The following SMYD5 variants were observed in gnomAD, a reference collection of about 807,000 sequenced individuals.
SMYD5 encodes the protein SMYD family member 5.
Under a neutral mutation model 57.4 loss-of-function variants are expected in SMYD5, and 35 were observed. The observed-to-expected ratio is 0.61, with a 90% CI of 0.47 to 0.81. The LOEUF (loss-of-function observed/expected upper bound fraction) is 0.81, where lower values mean the gene tolerates loss of function less well. Ranked by LOEUF, SMYD5 falls within the 30% of genes least tolerant of loss-of-function variation. The pLI is 0.00. For synonymous variants in SMYD5, 198 were observed against 189.7 expected (o/e 1.04, Z -0.36); for missense variants, 471 against 527.9 (o/e 0.89, Z 1.06).
intron 1 of SMYD5, among the ~76,000 whole-genome samples, chr2:73,218,270 G>A (rs1686324564): frequency 6.6e-6 from 1 of 152,228 alleles, no homozygotes; most frequent in Non-Finnish European, 1.5e-5. Flanking sequence ...GCAAGTTAAT[G>A]TTAGGACTGG....
intron 2 of SMYD5, among the ~76,000 whole-genome samples, chr2:73,219,571 G>A (rs898228049): frequency 3.3e-5 from 5 of 152,156 alleles, no homozygotes; most frequent in African/African-American, 1.2e-4. Context: ...TAGTAGAAAC[G>A]GGGTTTCAAC....
rs935192801 is a variant in SMYD5 at position 73,215,341 on chromosome 2, G to A, written c.96+979G>A. ...ATAATTTATCCTGTGTAGTGGCTGT[G>A]TGTATGGTTGGTTCTTGCCCAAGAC... On this transcript the variant is annotated intron_variant, in intron 1 of 12. Transcript: ENST00000389501. Among the ~76,000 whole-genome samples, 3 of 151,612 alleles carry A rather than the reference G, an allele frequency of 2.0e-5. No homozygotes were observed. In the South Asian group the frequency reaches 6.2e-4, roughly 31 times the overall value.
chr2:73,218,777 G>A (rs1223772280), intron 1 of SMYD5, 84 bp from the exon 2 acceptor site: 3 of 952,066 alleles, frequency 3.2e-6, no homozygotes, highest in Non-Finnish European at 5.1e-6. Context: ...GCATGTGGGA[G>A]TGAGGCTGGA....
chr2:73,224,131 T>C (rs149763941), intron 10 of SMYD5, 128 bp downstream of exon 10: 1 of 804,614 alleles, frequency 1.2e-6, no homozygotes, highest in African/African-American at 1.7e-5. Context: ...GGAGCCCCAT[T>C]AGGTCTGAGC....
chr2:73,226,177 C>G lies in SMYD5; in HGVS notation c.*231C>G, dbSNP rs557353784. ...CTCAGACTCTGCACTGGCACTGAGC[C>G]TTTCACAACTGGCCTCCCCTTGAGG... On this transcript the variant is annotated 3_prime_UTR_variant, in exon 13 of 13. Coordinates refer to ENST00000389501, the MANE Select transcript of SMYD5 (RefSeq NM_006062.3). The G allele has an allele frequency of 1.7e-3, 960 of 574,446 alleles. 4 individuals are homozygous for G. The highest frequency in any genetic ancestry group is 2.4e-3 in the Non-Finnish European group (805 of 331,438). The allele number at this position is 574,446 out of a possible 1,614,324, so 35.6% of individuals were successfully genotyped here.
In SMYD5 at chr2:73,225,952, C is replaced by T. The variant is rs775507061; in HGVS notation, c.*6C>T. On this transcript the variant is annotated 3_prime_UTR_variant, in exon 13 of 13. Coordinates refer to ENST00000389501, the MANE Select transcript of SMYD5 (RefSeq NM_006062.3). Reference sequence around the variant, plus strand: ...ATGAGATGACTGATGTGTGATGTTGCCCTGCCCAGAAAGGGCCCTGCCCTA... The same window carrying T: ...ATGAGATGACTGATGTGTGATGTTGTCCTGCCCAGAAAGGGCCCTGCCCTA... 3 of 1,610,620 alleles carry T rather than the reference C, an allele frequency of 1.9e-6. No homozygotes were observed. The highest frequency in any genetic ancestry group is 1.3e-5 in the African/African-American group (1 of 74,960).
At position 73,226,007 on chromosome 2, in the gene SMYD5, C is replaced by G; in HGVS notation, c.*61C>G. On this transcript the variant is annotated 3_prime_UTR_variant, in exon 13 of 13. Coordinates refer to ENST00000389501, the MANE Select transcript of SMYD5 (RefSeq NM_006062.3). ...CTGCCAGAAAAGGGGGCTCTTCCCCCAGAGAAGTGGCTTGGAGGGAACTTC... is the reference window on the plus strand; with the variant it reads ...CTGCCAGAAAAGGGGGCTCTTCCCCGAGAGAAGTGGCTTGGAGGGAACTTC... The G allele has an allele frequency of 6.5e-7, 1 of 1,530,798 alleles. No homozygotes were observed. Among genetic ancestry groups the G allele is most frequent in the Middle Eastern group, 1.9e-4 (1 of 5,326 alleles). The allele number at this position is 1,530,798 out of a possible 1,614,324, so 94.8% of individuals were successfully genotyped here. A position where few individuals can be genotyped will look rare whatever the true frequency, so the allele number is the denominator to read the frequency against.
At chr2:73,224,109 G>C (rs535101628) in intron 10 of SMYD5, 106 bp downstream of exon 10, 2 of 1,038,822 alleles carry the variant, frequency 1.9e-6, no homozygotes, top group Non-Finnish European at 3.0e-6. Flanking sequence ...TAGGCTGGTA[G>C]GGTTGAGTCT....
At position 73,214,530 on chromosome 2, in the gene SMYD5, G is replaced by A. The variant is rs560252622; in HGVS notation, c.96+168G>A. ...CCAGTCTGTCCCTGCGCGCAGGCTC[G>A]TGGCGCGGTCACGCGATAGACCCGG... On this transcript the variant is annotated intron_variant, in intron 1 of 12. Coordinates refer to ENST00000389501, the MANE Select transcript of SMYD5 (RefSeq NM_006062.3). The A allele has an allele frequency of 4.1e-6, 6 of 1,481,064 alleles. No individual in the cohort carries two copies. In the African/African-American group the frequency reaches 8.4e-5, roughly 21 times the overall value. 91.7% of individuals were successfully genotyped at this position (1,481,064 alleles called of 1,614,324 possible). A position where few individuals can be genotyped will look rare whatever the true frequency, so the allele number is the denominator to read the frequency against.
rs776357571 is a variant in SMYD5 at position 73,220,045 on chromosome 2, C to T, written c.206-6C>T. The T allele has an allele frequency of 6.2e-6, 10 of 1,614,058 alleles. No individual in the cohort carries two copies. Among genetic ancestry groups the T allele is most frequent in the East Asian group, 4.5e-5 (2 of 44,898 alleles). On this transcript the variant is annotated splice_polypyrimidine_tract_variant and splice_region_variant and intron_variant, in intron 2 of 12. Transcript: ENST00000389501. ...AGATATTGTTGTGTCTGGCTCTCAC[C>T]GTCAGCCTGTGACCACTGCCTTAGG...
rs927227680 is a variant in SMYD5, at chr2:73,220,221, G to C, written c.345+31G>C. Reference sequence around the variant, plus strand: ...TATTCTTGGGGAGTGTACCTGGAAGGGGGTGGGTGAGGGAGGCCTTAGCTG... The same window carrying C: ...TATTCTTGGGGAGTGTACCTGGAAGCGGGTGGGTGAGGGAGGCCTTAGCTG... On this transcript the variant is annotated intron_variant, in intron 3 of 12. Transcript: ENST00000389501. The C allele has an allele frequency of 7.5e-6, 12 of 1,610,492 alleles. No individual in the cohort carries two copies. The African/African-American group carries it at 8.0e-5, about 11-fold the overall frequency.
chr2:73,223,194 G>A, intron 8 of SMYD5, 88 bp downstream of exon 8: 1 of 1,089,276 alleles, frequency 9.2e-7, no homozygotes, highest in Non-Finnish European at 1.4e-6. Flanking sequence ...CTGGGATGGG[G>A]TAGGGTGGGA....
chr2:73,217,856 G>T (rs1030153791), intron 1 of SMYD5, among the ~76,000 whole-genome samples: 2 of 152,166 alleles, frequency 1.3e-5, no homozygotes, highest in Non-Finnish European at 2.9e-5. Context: ...TAACTGCCTG[G>T]GTTCTGAAGC....
At chr2:73,223,353 C>T (rs992767405) in intron 8 of SMYD5, 73 bp from the exon 9 acceptor site, 12 of 1,075,002 alleles carry the variant, frequency 1.1e-5, no homozygotes, top group Non-Finnish European at 1.4e-5. Flanking sequence ...CTGGGCTTAA[C>T]TTACCTGGAG....
intron 1 of SMYD5, 34 bp downstream of exon 1, chr2:73,214,396 C>A (rs1388110024): frequency 7.4e-6 from 12 of 1,612,298 alleles, no homozygotes; most frequent in Non-Finnish European, 1.0e-5. Context: ...GGGAGCCTCT[C>A]CCCAGTCCGG....
At chr2:73,216,411 C>T (rs1305422299) in intron 1 of SMYD5, among the ~76,000 whole-genome samples, 2 of 152,092 alleles carry the variant, frequency 1.3e-5, no homozygotes, top group Non-Finnish European at 2.9e-5. Context: ...AAAAATTAGG[C>T]CTGGCGTGGT....
chr2:73,217,879 C>A (rs1369781301), intron 1 of SMYD5, among the ~76,000 whole-genome samples: 1 of 152,134 alleles, frequency 6.6e-6, no homozygotes, highest in Non-Finnish European at 1.5e-5. Flanking sequence ...TCTGCTGAGT[C>A]CTTTTGCACA....
intron 7 of SMYD5, 100 bp downstream of exon 7, chr2:73,222,917 G>A (rs902402239): frequency 1.1e-5 from 17 of 1,497,936 alleles, no homozygotes; most frequent in Admixed American, 3.3e-5. Flanking sequence ...AGCCAAAGCC[G>A]ACTTGGTCTT....
Position 73,223,118 on chromosome 2 carries a change from C to T in SMYD5, c.776+12C>T, listed in dbSNP as rs760067641. On this transcript the variant is annotated intron_variant, in intron 8 of 12. Transcript: ENST00000389501. ...GGAATCGGGACCAGGTTAGAATGTTCCAGAGCTATTGAAGTTACTCTCAGG... is the reference window on the plus strand; with the variant it reads ...GGAATCGGGACCAGGTTAGAATGTTTCAGAGCTATTGAAGTTACTCTCAGG... 1.2e-6 allele frequency: 2 copies of T among 1,610,604 alleles called. No homozygotes were observed. The highest frequency in any genetic ancestry group is 1.7e-5 in the Admixed American group (1 of 60,000).
Sources: gnomAD v4.1 joint callset for allele counts (sites outside exome capture counted in the v4.1 genomes callset) on GRCh38, gnomAD v4.1.1 for gene constraint, MANE v1.5 for transcripts, NCBI Gene and HGNC (gene_info 2026-07-23, HGNC 2026-07-21) for gene names.